Variants in SEZ6 observed in about 807,000 individuals in gnomAD.
SEZ6 encodes the protein seizure protein 6 homolog.
In SEZ6, 53 loss-of-function variants were observed where a neutral mutation model predicts 101.0. That is an observed-to-expected ratio of 0.52 (90% CI 0.42 to 0.66). The LOEUF is 0.66. Among genes scored for constraint, SEZ6 ranks in the 30% least tolerant of loss-of-function variants. SEZ6 has a pLI of 0.00. For synonymous variants in SEZ6, 488 were observed against 512.2 expected (o/e 0.95, Z 0.64); for missense variants, 1,102 against 1,289.4 (o/e 0.85, Z 2.23).
In SEZ6 at chr17:29,005,694, G is replaced by T; in HGVS notation, c.55+121C>A. The T allele has an allele frequency of 1.0e-6, 1 of 994,392 alleles. No individual in the cohort carries two copies. Among genetic ancestry groups the T allele is most frequent in the East Asian group, 4.1e-5 (1 of 24,212 alleles). The allele number at this position is 994,392 out of a possible 1,614,324, so 61.6% of individuals were successfully genotyped here. Reference sequence around the variant, plus strand: ...GGCCGGCGCCGGGGGCAGCGCAGCCGGCGGGGCGCGGTGCTTGGACTGGGC... The same window carrying T: ...GGCCGGCGCCGGGGGCAGCGCAGCCTGCGGGGCGCGGTGCTTGGACTGGGC... On this transcript the variant is annotated intron_variant, in intron 1 of 16. Transcript: ENST00000317338. This position sits in a 1 kb window ranked among gnomAD's most constrained non-coding sequence, Gnocchi z 4.8.
At chr17:29,000,763 C>T (rs1379397610) in intron 1 of SEZ6, among the ~76,000 whole-genome samples, 1 of 152,124 alleles carries the variant, frequency 6.6e-6, no homozygotes, top group Non-Finnish European at 1.5e-5. Context: ...TAGTGCCAGC[C>T]AAGTCCATTC....
Position 28,955,775 on chromosome 17 carries a change from A to C in SEZ6, c.*187T>G. 2.7e-6 allele frequency: 2 copies of C among 747,054 alleles called. No individual in the cohort carries two copies. The highest frequency in any genetic ancestry group is 4.7e-6 in the Non-Finnish European group (2 of 424,108). 46.3% of individuals were successfully genotyped at this position (747,054 alleles called of 1,614,324 possible). ...AGGGCCCCAAGTGGGCAATGACACC[A>C]AGAAAATAGGCCATGGTGGGCATCG... On this transcript the variant is annotated 3_prime_UTR_variant, in exon 17 of 17. Transcript: ENST00000317338.
intron 1 of SEZ6, among the ~76,000 whole-genome samples, chr17:28,986,472 G>A (rs1441123876): frequency 6.6e-6 from 1 of 152,220 alleles, no homozygotes; most frequent in Non-Finnish European, 1.5e-5. Flanking sequence ...GGACTGGGGC[G>A]TGTTCTAGCG....
chr17:28,956,013 T>TGC lies in SEZ6; in HGVS notation c.2953-20_2953-19insGC, dbSNP rs1273464183. ...AAAGAGACTGCTGGGAGTTGGAAAC[T>TGC]TGTATTAGGTTTGCCAGGCCATAAT... On this transcript the variant is annotated intron_variant, in intron 16 of 16. Transcript: ENST00000317338. 2 of 1,612,022 alleles carry TGC rather than the reference T, an allele frequency of 1.2e-6. No homozygotes were observed. The highest frequency in any genetic ancestry group is 3.3e-5 in the Admixed American group (2 of 59,786).
At chr17:28,996,061 C>G (rs889475702) in intron 1 of SEZ6, among the ~76,000 whole-genome samples, 1 of 150,630 alleles carries the variant, frequency 6.6e-6, no homozygotes, top group Non-Finnish European at 1.5e-5. Context: ...AGTGCAGTGG[C>G]GAGATCTCGG....
chr17:28,975,142 A>C (rs2041205253), intron 3 of SEZ6, among the ~76,000 whole-genome samples: 1 of 152,240 alleles, frequency 6.6e-6, no homozygotes, highest in African/African-American at 2.4e-5. Context: ...TGGCATTTGC[A>C]GCAGAAATGA....
intron 1 of SEZ6, among the ~76,000 whole-genome samples, chr17:28,992,549 C>A (rs549654257): frequency 2.6e-5 from 4 of 152,346 alleles, no homozygotes; most frequent in African/African-American, 9.6e-5. Context: ...CCCTACCCCC[C>A]AAAAGAAGGG....
At chr17:28,992,836 G>A (rs1254284021) in intron 1 of SEZ6, among the ~76,000 whole-genome samples, 1 of 152,182 alleles carries the variant, frequency 6.6e-6, no homozygotes. Context: ...ATATGGTCTC[G>A]CCACTGCAGA....
At chr17:28,987,206 A>G (rs12451955) in intron 1 of SEZ6, among the ~76,000 whole-genome samples, 29,028 of 152,154 alleles carry the variant, frequency 0.19, 2,960 homozygotes, top group South Asian at 0.35. Flanking sequence ...GTTTATTCTG[A>G]AGGTTCCCTG....
chr17:28,986,594 C>T (rs2041387670), intron 1 of SEZ6, among the ~76,000 whole-genome samples: 1 of 152,190 alleles, frequency 6.6e-6, no homozygotes, highest in Non-Finnish European at 1.5e-5. Flanking sequence ...GAGCTGGAGT[C>T]ATTACGCAGT....
intron 4 of SEZ6, among the ~76,000 whole-genome samples, chr17:28,965,193 A>G (rs889823264): frequency 7.3e-5 from 11 of 151,500 alleles, no homozygotes; most frequent in Admixed American, 2.0e-4. Context: ...CTCTACTAAA[A>G]ATACAAAAAT....
intron 1 of SEZ6, among the ~76,000 whole-genome samples, chr17:28,988,050 G>C (rs1348515083): frequency 2.6e-5 from 4 of 152,186 alleles, no homozygotes; most frequent in Admixed American, 2.0e-4. Context: ...GTTGTGCCCT[G>C]GAGGGGCAGT....
At chr17:28,985,312 C>A (rs148564903) in intron 1 of SEZ6, among the ~76,000 whole-genome samples, 1 of 152,164 alleles carries the variant, frequency 6.6e-6, no homozygotes, top group Admixed American at 6.5e-5. Context: ...GGGCCCTGGT[C>A]GAGCAGGCCC....
chr17:28,956,705 G>T lies in SEZ6; in HGVS notation c.2731+14C>A. 6.4e-7 allele frequency: 1 copy of T among 1,558,654 alleles called. No homozygotes were observed. Among genetic ancestry groups the T allele is most frequent in the East Asian group, 2.4e-5 (1 of 41,476 alleles). ...AGGGAGACCACTTCTCTGGCCTCAA[G>T]GGTGGAGACTTACCATCCAGGCTGC... On this transcript the variant is annotated intron_variant, in intron 14 of 16. Transcript: ENST00000317338.
intron 3 of SEZ6, among the ~76,000 whole-genome samples, chr17:28,975,620 C>G (rs373840040): frequency 6.6e-6 from 1 of 152,222 alleles, no homozygotes; most frequent in African/African-American, 2.4e-5. Context: ...CCTGTCATCC[C>G]TCTTGGATAA....
Position 28,956,207 on chromosome 17 carries a change from G to A in SEZ6, c.2904C>T (p.Asn968=). ...QLPRPRPRPY[N]RITIESAFDN... is the part of the protein sequence containing the mutation. ...CAAACGCTGACTCTATGGTAATGCG[G>A]TTGTAGGGGCGGGGGCGGGGGCGGG... Residue 968 remains asparagine (N), a synonymous_variant, in exon 16 of 17, where the codon AAC becomes AAT. Transcript: ENST00000317338. 1 of 1,045,526 alleles carries A rather than the reference G, an allele frequency of 9.6e-7. No individual in the cohort carries two copies. Among genetic ancestry groups the A allele is most frequent in the Non-Finnish European group, 1.4e-6 (1 of 736,884 alleles). 64.8% of individuals were successfully genotyped at this position (1,045,526 alleles called of 1,614,324 possible).
intron 1 of SEZ6, among the ~76,000 whole-genome samples, chr17:28,986,769 G>C (rs951644051): frequency 6.6e-6 from 1 of 152,222 alleles, no homozygotes; most frequent in Non-Finnish European, 1.5e-5. Context: ...TGACCTGGGC[G>C]GGGGCTGCCC....
intron 1 of SEZ6, among the ~76,000 whole-genome samples, chr17:28,995,220 C>T (rs1169228257): frequency 1.3e-5 from 2 of 152,124 alleles, no homozygotes; most frequent in African/African-American, 4.8e-5. Context: ...CACCTCATCT[C>T]CCTCTGCTGA....
At chr17:28,995,403 G>C (rs1265602569) in intron 1 of SEZ6, among the ~76,000 whole-genome samples, 4 of 152,052 alleles carry the variant, frequency 2.6e-5, no homozygotes, top group African/African-American at 9.7e-5. Context: ...GTGAGAAGAG[G>C]GCCTGGAGAG....
Sources: gnomAD v4.1 joint callset for allele counts (sites outside exome capture counted in the v4.1 genomes callset) on GRCh38, gnomAD v4.1.1 for gene constraint, Gnocchi (gnomAD v3.1) non-coding constraint, MANE v1.5 for transcripts, NCBI Gene and HGNC (gene_info 2026-07-23, HGNC 2026-07-21) for gene names.